Variants in OTUD7B observed in about 807,000 individuals in gnomAD.
OTUD7B encodes OTU deubiquitinase 7B, also known as OTU domain-containing protein 7B.
In OTUD7B, 34 loss-of-function variants were observed where a neutral mutation model predicts 82.2. The observed-to-expected ratio is 0.41, with a 90% CI of 0.31 to 0.55. The LOEUF (loss-of-function observed/expected upper bound fraction) is 0.55, where lower values mean the gene tolerates loss of function less well. Among genes scored for constraint, OTUD7B ranks in the 20% least tolerant of loss-of-function variants. OTUD7B has a pLI of 0.20. For missense variants in OTUD7B, 944 were observed against 1,062.1 expected (o/e 0.89, Z 1.55); for synonymous variants, 398 against 402.7 (o/e 0.99, Z 0.14).
the OTUD7B span, among the ~76,000 whole-genome samples, chr1:150,058,524 C>T: frequency 2.0e-5 from 3 of 152,076 alleles, no homozygotes; most frequent in African/African-American, 7.2e-5. Flanking sequence ...GACTGGGTGA[C>T]CCTGTCTTGA....
At position 149,944,974 on chromosome 1, in the gene OTUD7B, A is replaced by G. The variant is rs782800556; in HGVS notation, c.1415T>C (p.Val472Ala). The G allele has an allele frequency of 6.2e-7, 1 of 1,613,914 alleles. No homozygotes were observed. The highest frequency in any genetic ancestry group is 8.5e-7 in the Non-Finnish European group (1 of 1,179,998). Residue 472 changes from valine to alanine, a missense_variant, in exon 12 of 12, where the codon GTT becomes GCT. Physicochemically the swap from Val to Ala is moderately conservative, Grantham distance 64. Coordinates refer to ENST00000581312, the MANE Select transcript of OTUD7B (RefSeq NM_020205.4). Reference sequence around the variant, plus strand: ...CTCGTTGCTGGTGGAACTGCTGCCAACTGACTCCTTGTCTGAGTCTCCAGA... The same window carrying G: ...CTCGTTGCTGGTGGAACTGCTGCCAGCTGACTCCTTGTCTGAGTCTCCAGA... ...PESGDSDKES[V>A]GSSSTSNEGG...
chr1:149,989,165 T>G (rs1651388394), intron 1 of OTUD7B, among the ~76,000 whole-genome samples: 1 of 152,106 alleles, frequency 6.6e-6, no homozygotes, highest in African/African-American at 2.4e-5. Context: ...CAAGTACTAA[T>G]TAATTTCTTA....
At chr1:150,043,824 C>G in the OTUD7B span, among the ~76,000 whole-genome samples, 1 of 152,246 alleles carries the variant, frequency 6.6e-6, no homozygotes, top group South Asian at 2.1e-4. Context: ...TAAAAACAAG[C>G]CTGAGGCTAG....
At chr1:149,959,527 T>C (rs1553775222) in intron 7 of OTUD7B, among the ~76,000 whole-genome samples, 157 bp downstream of exon 7, 1 of 152,212 alleles carries the variant, frequency 6.6e-6, no homozygotes, top group African/African-American at 2.4e-5. Flanking sequence ...CTGTAGTTCC[T>C]AAACATATCA....
At chr1:150,017,837 C>T in the OTUD7B span, among the ~76,000 whole-genome samples, 1 of 152,274 alleles carries the variant, frequency 6.6e-6, no homozygotes, top group Non-Finnish European at 1.5e-5. Flanking sequence ...CAACAGGTAC[C>T]ACATACTAAG....
the OTUD7B span, among the ~76,000 whole-genome samples, chr1:150,026,173 A>G: frequency 6.6e-6 from 1 of 152,222 alleles, no homozygotes; most frequent in Admixed American, 6.5e-5. Context: ...GGTGCATACA[A>G]TATTTTGCTT....
At chr1:149,948,410 TGCCTAG>T (rs1438571014) in intron 10 of OTUD7B, among the ~76,000 whole-genome samples, 1 of 151,374 alleles carries the variant, frequency 6.6e-6, no homozygotes, top group Non-Finnish European at 1.5e-5. Context: ...CTCACTCTGT[TGCCTAG>T]GCTGTAGTGC....
chr1:150,015,431 T>C (rs1653239879), upstream of OTUD7B, among the ~76,000 whole-genome samples: 1 of 151,638 alleles, frequency 6.6e-6, no homozygotes, highest in Admixed American at 6.6e-5. Context: ...GTACCTGGGA[T>C]TACAGGCACG....
the OTUD7B span, chr1:150,054,399 T>C: frequency 1.8e-6 from 1 of 540,794 alleles, no homozygotes. Flanking sequence ...GGACCTCTGG[T>C]CCTCAATCAA....
At position 149,944,958 on chromosome 1, in the gene OTUD7B, G is replaced by A. The variant is rs782337591; in HGVS notation, c.1431C>T (p.Thr477=). ...SDKESVGSSS[T]SNEGGRRKEK... ...CCTTCCGCCGGCCGCCCTCGTTGCT[G>A]GTGGAACTGCTGCCAACTGACTCCT... Residue 477 remains threonine, a synonymous_variant, in exon 12 of 12, where the codon ACC becomes ACT. Transcript: ENST00000581312. The A allele has an allele frequency of 1.2e-6, 2 of 1,614,172 alleles. No individual in the cohort carries two copies. The highest frequency in any genetic ancestry group is 1.7e-6 in the Non-Finnish European group (2 of 1,180,036).
At chr1:150,019,040 CACATCT>C in the OTUD7B span, among the ~76,000 whole-genome samples, 1 of 152,218 alleles carries the variant, frequency 6.6e-6, no homozygotes, top group African/African-American at 2.4e-5. Flanking sequence ...TAGACATACA[CACATCT>C]ACAATAATTA....
At chr1:150,048,789 T>C in the OTUD7B span, among the ~76,000 whole-genome samples, 2 of 152,062 alleles carry the variant, frequency 1.3e-5, no homozygotes, top group South Asian at 2.1e-4. Context: ...ATAAAACTCA[T>C]AGATTAATAA....
chr1:150,027,662 C>T, the OTUD7B span, among the ~76,000 whole-genome samples: 2 of 152,040 alleles, frequency 1.3e-5, no homozygotes, highest in Admixed American at 6.6e-5. Flanking sequence ...TTTCTAACTT[C>T]ATCTGCCAAA....
At chr1:150,007,592 ATCTTTTATACC>A in intron 1 of OTUD7B, among the ~76,000 whole-genome samples, 1 of 152,324 alleles carries the variant, frequency 6.6e-6, no homozygotes, top group African/African-American at 2.4e-5. Flanking sequence ...ATGTCTTTAC[ATCTTTTATACC>A]TCCCTAAAGC....
rs1016738599 is a variant in OTUD7B, at chr1:149,969,982, G to A, written c.274+1081C>T. ...CTCCAAAAGTGCTGGGATTACAGGTGTGAGCCATCATGCCCAGCCCCCTTC... is the reference window on the plus strand; with the variant it reads ...CTCCAAAAGTGCTGGGATTACAGGTATGAGCCATCATGCCCAGCCCCCTTC... On this transcript the variant is annotated intron_variant, in intron 3 of 11. Coordinates refer to ENST00000581312, the MANE Select transcript of OTUD7B (RefSeq NM_020205.4). 1.5e-4 allele frequency among the ~76,000 whole-genome samples: 23 copies of A among 152,260 alleles called. 1 individual carries two copies. The East Asian group carries it at 4.5e-3, about 30-fold the overall frequency.
At chr1:150,012,808 T>C (rs1553787772), upstream of OTUD7B, among the ~76,000 whole-genome samples, 1 of 152,232 alleles carries the variant, frequency 6.6e-6, no homozygotes, top group African/African-American at 2.4e-5. Context: ...CATTCATTGT[T>C]GTTTGTGCAG....
At chr1:149,953,140 G>A (rs1480735786) in intron 7 of OTUD7B, among the ~76,000 whole-genome samples, 13 of 152,120 alleles carry the variant, frequency 8.5e-5, no homozygotes, top group Non-Finnish European at 1.5e-4. Context: ...TGTCCTGAAG[G>A]GTATTGCCTA....
rs1553776095 is a variant in OTUD7B at position 149,964,338 on chromosome 1, A to C, written c.616T>G (p.Phe206Val). Residue 206 changes from phenylalanine to valine, a missense_variant, in exon 6 of 12, where the codon TTC becomes GTC. By Grantham distance (50) the Phe-to-Val change is conservative (BLOSUM62 -1). This residue lies in a region of OTUD7B where 530 missense variants were observed against 625.6 expected (regional missense o/e 0.85). Transcript: ENST00000581312. Reference sequence around the variant, plus strand: ...CGCAGCATCAAGTCCCGATCATGGAAACCCCACATTCCTGTGGCAAAAAAG... The same window carrying C: ...CGCAGCATCAAGTCCCGATCATGGACACCCCACATTCCTGTGGCAAAAAAG... Reference protein sequence around the residue: ...LHAASLGMWGFHDRDLMLRKA... With the variant: ...LHAASLGMWGVHDRDLMLRKA... 1 of 1,613,714 alleles carries C rather than the reference A, an allele frequency of 6.2e-7. No individual in the cohort carries two copies.
intron 4 of OTUD7B, 118 bp downstream of exon 4, chr1:149,967,175 AC>A (rs1467653078): frequency 3.2e-6 from 2 of 626,532 alleles, no homozygotes; most frequent in East Asian, 2.8e-5. Flanking sequence ...CTGACTCCTG[AC>A]TTTGCAATCA....
Sources: gnomAD v4.1 joint callset for allele counts (sites outside exome capture counted in the v4.1 genomes callset) on GRCh38, gnomAD v4.1.1 for gene constraint, gnomAD v4.1.1 regional missense constraint, MANE v1.5 for transcripts, NCBI Gene and HGNC (gene_info 2026-07-23, HGNC 2026-07-21) for gene names.